FBXL14: variants seen among roughly 807,000 people sequenced by gnomAD.
The protein encoded by FBXL14 is F-box/LRR-repeat protein 14.
Under a neutral mutation model 24.5 loss-of-function variants are expected in FBXL14, and 11 were observed. That is an observed-to-expected ratio of 0.45 (90% CI 0.28 to 0.74). The LOEUF is 0.74. Ranked by LOEUF, FBXL14 falls within the 30% of genes least tolerant of loss-of-function variation. FBXL14 has a pLI of 0.12. For synonymous variants in FBXL14, 294 were observed against 240.4 expected (o/e 1.22, Z -2.06); for missense variants, 384 against 545.6 (o/e 0.70, Z 2.95).
At chr12:1,578,068 T>A (rs538015980) in intron 1 of FBXL14, among the ~76,000 whole-genome samples, 1 of 152,346 alleles carries the variant, frequency 6.6e-6, no homozygotes, top group African/African-American at 2.4e-5. Flanking sequence ...AGACGTAACA[T>A]TTCATAACTG....
chr12:1,572,141 A>T (rs533329503), intron 1 of FBXL14, among the ~76,000 whole-genome samples: 1 of 152,236 alleles, frequency 6.6e-6, no homozygotes, highest in Non-Finnish European at 1.5e-5. Context: ...TGAAAAAAAA[A>T]GTAGGATTTA....
chr12:1,578,785 T>C (rs2094460685), intron 1 of FBXL14, among the ~76,000 whole-genome samples: 1 of 152,114 alleles, frequency 6.6e-6, no homozygotes, highest in African/African-American at 2.4e-5. Context: ...GGGGTGTCCA[T>C]GAGGGGCGGC....
chr12:1,592,838 G>C (rs1299585392), intron 1 of FBXL14, 35 bp downstream of exon 1: 1 of 1,526,960 alleles, frequency 6.5e-7, no homozygotes, highest in African/African-American at 1.4e-5. Context: ...AACAGGGCGG[G>C]ACAAGGGGAG....
chr12:1,589,336 T>C (rs2094483692), intron 1 of FBXL14, among the ~76,000 whole-genome samples: 1 of 143,362 alleles, frequency 7.0e-6, no homozygotes, highest in Non-Finnish European at 1.5e-5. Context: ...AAGTCAAGGC[T>C]GCAGTGGGTT....
chr12:1,578,864 G>C (rs1270633601), intron 1 of FBXL14, among the ~76,000 whole-genome samples: 1 of 152,070 alleles, frequency 6.6e-6, no homozygotes, highest in Non-Finnish European at 1.5e-5. Context: ...ACCACGGTGG[G>C]CTTTGCTTTA....
At chr12:1,577,454 T>C (rs1369014415) in intron 1 of FBXL14, among the ~76,000 whole-genome samples, 1 of 152,174 alleles carries the variant, frequency 6.6e-6, no homozygotes, top group Non-Finnish European at 1.5e-5. Context: ...TTATGTATTA[T>C]TTTAAAGAGC....
intron 1 of FBXL14, among the ~76,000 whole-genome samples, chr12:1,585,261 G>A (rs538958989): frequency 1.5e-3 from 230 of 152,294 alleles, no homozygotes; most frequent in Non-Finnish European, 2.1e-3. Context: ...AGCCGGGCGT[G>A]GTGGCAGGTG....
At chr12:1,586,791 A>G (rs1432841394) in intron 1 of FBXL14, among the ~76,000 whole-genome samples, 2 of 152,238 alleles carry the variant, frequency 1.3e-5, no homozygotes, top group Non-Finnish European at 2.9e-5. Context: ...GATCACACTC[A>G]CATTCCTGAC....
At chr12:1,591,106 T>C (rs2094488562) in intron 1 of FBXL14, among the ~76,000 whole-genome samples, 1 of 152,254 alleles carries the variant, frequency 6.6e-6, no homozygotes, top group Admixed American at 6.5e-5. Flanking sequence ...ATTTCCACGT[T>C]GTTGAAAGTT....
chr12:1,592,992 T>C lies in FBXL14; in HGVS notation c.1075A>G (p.Thr359Ala). 6.2e-7 allele frequency: 1 copy of C among 1,612,936 alleles called. No individual in the cohort carries two copies. The highest frequency in any genetic ancestry group is 8.5e-7 in the Non-Finnish European group (1 of 1,180,006). The change falls in exon 1 of 2, where the codon ACC becomes GCC. Residue 359 changes from threonine to alanine, a missense_variant. Thr to Ala is a moderately conservative substitution (Grantham distance 58). Transcript: ENST00000339235. Reference protein sequence around the residue: ...ELIAEHLSQLTGIDLYGCTRI... With the variant: ...ELIAEHLSQLAGIDLYGCTRI... ...GTGCAGCCGTACAGGTCTATGCCGG[T>C]GAGTTGGCTCAGGTGCTCAGCGATC... is the stretch of plus-strand genomic sequence containing the variant.
chr12:1,577,967 G>A (rs1246711001), intron 1 of FBXL14, among the ~76,000 whole-genome samples: 1 of 152,196 alleles, frequency 6.6e-6, no homozygotes, highest in Non-Finnish European at 1.5e-5. Flanking sequence ...CCCACCTAGC[G>A]TGGCTGGGAG....
intron 1 of FBXL14, 123 bp from the exon 2 acceptor site, chr12:1,566,933 G>A: frequency 3.1e-6 from 2 of 640,556 alleles, no homozygotes; most frequent in East Asian, 2.8e-5. Flanking sequence ...CTGGGGGAAG[G>A]GAAACTCCCA....
intron 1 of FBXL14, among the ~76,000 whole-genome samples, chr12:1,578,690 G>A (rs75008933): frequency 5.9e-5 from 9 of 152,034 alleles, no homozygotes; most frequent in South Asian, 4.1e-4. Context: ...TGTTAAAAGC[G>A]CAGAGAAGCT....
intron 1 of FBXL14, among the ~76,000 whole-genome samples, chr12:1,586,985 C>T (rs2094477990): frequency 1.3e-5 from 2 of 152,176 alleles, no homozygotes; most frequent in Admixed American, 6.5e-5. Flanking sequence ...TGCCTGTAAT[C>T]CCAGCACTTT....
In FBXL14 at chr12:1,569,397, C is replaced by CTTTTTT. The variant is rs35122636; in HGVS notation, c.1195-2593_1195-2588dup. Among the ~76,000 whole-genome samples the CTTTTTT allele has an allele frequency of 7.4e-6, 1 of 134,926 alleles. No homozygotes were observed. Among genetic ancestry groups the CTTTTTT allele is most frequent in the Non-Finnish European group, 1.6e-5 (1 of 62,916 alleles). The allele number at this position is 134,926 out of a possible 152,430, so 88.5% of individuals were successfully genotyped here. A position where few individuals can be genotyped will look rare whatever the true frequency, so the allele number is the denominator to read the frequency against. Reference sequence around the variant, plus strand: ...ATGCTAAATAAGAAACCACTTCGTTCTTTTTTTTTTTTTTTTTGTCTGAGA... The same window carrying CTTTTTT: ...ATGCTAAATAAGAAACCACTTCGTTCTTTTTTTTTTTTTTTTTTTTTTTGTCTGAGA... On this transcript the variant is annotated intron_variant, in intron 1 of 1. Transcript: ENST00000339235. The surrounding 1 kb of genome is among the most constrained non-coding windows in gnomAD (Gnocchi z 4.2).
chr12:1,566,570 A>C lies in FBXL14; in HGVS notation c.*178T>G, dbSNP rs995327058. ...AAACCACTGTCCCCAGAACTGGAGA[A>C]ACCGGCAGGAGAATGCAGCTTCACA... On this transcript the variant is annotated 3_prime_UTR_variant, in exon 2 of 2. Coordinates refer to ENST00000339235, the MANE Select transcript of FBXL14 (RefSeq NM_152441.3). 3 of 577,826 alleles carry C rather than the reference A, an allele frequency of 5.2e-6. No homozygotes were observed. In the African/African-American group the frequency reaches 5.7e-5, roughly 11 times the overall value. The allele number at this position is 577,826 out of a possible 1,614,324, so 35.8% of individuals were successfully genotyped here.
At chr12:1,592,840 C>A in intron 1 of FBXL14, 33 bp downstream of exon 1, 1 of 1,530,464 alleles carries the variant, frequency 6.5e-7, no homozygotes, top group Non-Finnish European at 8.8e-7. Flanking sequence ...CAGGGCGGGA[C>A]AAGGGGAGCT....
chr12:1,574,127 A>G (rs1404679981), intron 1 of FBXL14, among the ~76,000 whole-genome samples: 1 of 152,162 alleles, frequency 6.6e-6, no homozygotes, highest in East Asian at 1.9e-4. Flanking sequence ...GACCACTGTA[A>G]TGGGGTTAGG....
chr12:1,579,886 G>A lies in FBXL14; in HGVS notation c.1194+12987C>T, dbSNP rs991157039. Among the ~76,000 whole-genome samples the A allele has an allele frequency of 6.6e-6, 1 of 152,096 alleles. No homozygotes were observed. Among genetic ancestry groups the A allele is most frequent in the Non-Finnish European group, 1.5e-5 (1 of 68,016 alleles). On this transcript the variant is annotated intron_variant, in intron 1 of 1. Coordinates refer to ENST00000339235, the MANE Select transcript of FBXL14 (RefSeq NM_152441.3). The surrounding 1 kb of genome is among the most constrained non-coding windows in gnomAD (Gnocchi z 4.3). ...CTGAAATGGAATGATGAGAACTCAG[G>A]GCCAGCCTGAAATGTTCATCCTCAT...
Sources: allele counts gnomAD v4.1 joint callset (sites outside exome capture counted in the v4.1 genomes callset), GRCh38; gene constraint gnomAD v4.1.1; non-coding constraint Gnocchi (gnomAD v3.1); transcripts MANE v1.5; gene names NCBI Gene and HGNC (gene_info 2026-07-23, HGNC 2026-07-21).